Variants in IPO7 observed in about 807,000 individuals in gnomAD.
IPO7 encodes the protein importin 7.
Under a neutral mutation model 136.4 loss-of-function variants are expected in IPO7, and 13 were observed. The observed-to-expected ratio is 0.10, with a 90% confidence interval of 0.06 to 0.15. The LOEUF (loss-of-function observed/expected upper bound fraction) is 0.15, where lower values mean the gene tolerates loss of function less well. Among genes scored for constraint, IPO7 ranks in the 10% least tolerant of loss-of-function variants. IPO7 has a pLI of 1.00. For missense variants in IPO7, 857 were observed against 1,240.6 expected (o/e 0.69, Z 4.65); for synonymous variants, 403 against 404.4 (o/e 1.00, Z 0.04).
chr11:9,387,542 T>G (rs1854568415), intron 1 of IPO7, among the ~76,000 whole-genome samples: 1 of 152,228 alleles, frequency 6.6e-6, no homozygotes, highest in Non-Finnish European at 1.5e-5. Flanking sequence ...TTAAAATTAA[T>G]TTTATTTGGC....
At chr11:9,384,960 G>A in intron 1 of IPO7, 113 bp downstream of exon 1, 5 of 777,412 alleles carry the variant, frequency 6.4e-6, no homozygotes, top group South Asian at 3.4e-5. Flanking sequence ...GTCCCAGCAG[G>A]AGGGTGGGGC....
intron 5 of IPO7, among the ~76,000 whole-genome samples, chr11:9,415,438 A>G (rs1423475992): frequency 6.6e-6 from 1 of 152,220 alleles, no homozygotes; most frequent in Non-Finnish European, 1.5e-5. Flanking sequence ...ACGTATTCCT[A>G]AACTTGTCGC....
chr11:9,417,272 C>G (rs750981877), intron 6 of IPO7, 124 bp downstream of exon 6: 13 of 492,544 alleles, frequency 2.6e-5, no homozygotes, highest in Non-Finnish European at 4.3e-5. Flanking sequence ...GTATTTTTTT[C>G]TAGATTAGAG....
rs1855519663 is a variant in IPO7 at position 9,445,820 on chromosome 11, C to T, written c.*626C>T. On this transcript the variant is annotated 3_prime_UTR_variant, in exon 25 of 25. Coordinates refer to ENST00000379719, the MANE Select transcript of IPO7 (RefSeq NM_006391.3). ...TTAGCACTTTCATATTGAAACAAGC[C>T]TGCTAGCCTATGTATAAAATAGCAA... is the stretch of plus-strand genomic sequence containing the variant. 6.9e-6 allele frequency: 1 copy of T among 144,666 alleles called. No homozygotes were observed. The highest frequency in any genetic ancestry group is 1.5e-5 in the Non-Finnish European group (1 of 67,156). The allele number at this position is 144,666 out of a possible 1,614,324, so 9.0% of individuals were successfully genotyped here.
intron 19 of IPO7, 40 bp from the exon 20 acceptor site, chr11:9,436,231 G>A: frequency 7.2e-7 from 1 of 1,394,388 alleles, no homozygotes; most frequent in Non-Finnish European, 1.0e-6. Flanking sequence ...CTGATTTAAA[G>A]GATAAAGCCT....
chr11:9,439,347 C>T (rs559046709), intron 22 of IPO7, among the ~76,000 whole-genome samples: 4 of 152,212 alleles, frequency 2.6e-5, no homozygotes, highest in African/African-American at 9.6e-5. Context: ...AACTCCTGAC[C>T]TCAGATGATC....
chr11:9,396,772 G>A (rs187410597), intron 1 of IPO7, among the ~76,000 whole-genome samples: 185 of 152,190 alleles, frequency 1.2e-3, no homozygotes, highest in Non-Finnish European at 2.1e-3. Context: ...TTAAATTGCC[G>A]AATAGCATTC....
At position 9,446,450 on chromosome 11, in the gene IPO7, A is replaced by G. The variant is rs1239965960; in HGVS notation, c.*1256A>G. The stretch of plus-strand genomic sequence containing the variant: ...AGGCACATGGTTCCCTCCAAAAACC[A>G]CTATTGATACCACTACAAAAACAAG... On this transcript the variant is annotated 3_prime_UTR_variant, in exon 25 of 25. Transcript: ENST00000379719. 1.3e-5 allele frequency: 2 copies of G among 152,168 alleles called. No homozygotes were observed. The highest frequency in any genetic ancestry group is 6.6e-5 in the Admixed American group (1 of 15,258). 9.4% of individuals were successfully genotyped at this position (152,168 alleles called of 1,614,324 possible). A position where few individuals can be genotyped will look rare whatever the true frequency, so the allele number is the denominator to read the frequency against.
At chr11:9,435,080 G>A (rs754037385) in intron 19 of IPO7, 49 bp downstream of exon 19, 2 of 1,117,562 alleles carry the variant, frequency 1.8e-6, no homozygotes, top group Non-Finnish European at 2.7e-6. Context: ...GCTATAAAAT[G>A]TATGAAATTG....
intron 1 of IPO7, among the ~76,000 whole-genome samples, chr11:9,396,734 G>T (rs755122068): frequency 1.3e-5 from 2 of 152,012 alleles, no homozygotes; most frequent in African/African-American, 2.4e-5. Flanking sequence ...TTCATACATT[G>T]TTGTAACATG....
At chr11:9,433,698 A>G in intron 17 of IPO7, 23 bp from the exon 18 acceptor site, 1 of 1,613,090 alleles carries the variant, frequency 6.2e-7, no homozygotes, top group Non-Finnish European at 8.5e-7. Context: ...GCATTTTCCT[A>G]ATGACTTAGT....
At chr11:9,415,145 C>T (rs1480723435) in intron 5 of IPO7, among the ~76,000 whole-genome samples, 1 of 151,346 alleles carries the variant, frequency 6.6e-6, no homozygotes, top group Non-Finnish European at 1.5e-5. Flanking sequence ...ATGGAGAAAC[C>T]CCGTCTCTAT....
chr11:9,403,927 A>G (rs1044097710), intron 2 of IPO7, among the ~76,000 whole-genome samples: 44 of 151,952 alleles, frequency 2.9e-4, no homozygotes, highest in African/African-American at 1.0e-3. Flanking sequence ...AGTGGTGCGA[A>G]CTCGGCTCTC....
chr11:9,435,506 T>C (rs1855356968), intron 19 of IPO7, among the ~76,000 whole-genome samples: 1 of 152,218 alleles, frequency 6.6e-6, no homozygotes, highest in Admixed American at 6.5e-5. Flanking sequence ...TCTAGCAATG[T>C]CTGTTGTAGG....
chr11:9,394,767 A>G (rs979526128), intron 1 of IPO7, among the ~76,000 whole-genome samples: 2 of 152,092 alleles, frequency 1.3e-5, no homozygotes, highest in Non-Finnish European at 2.9e-5. Context: ...TTTTTTCTCC[A>G]TAGTGTCTGG....
intron 2 of IPO7, among the ~76,000 whole-genome samples, chr11:9,407,214 G>T (rs1238247116): frequency 6.6e-6 from 1 of 152,198 alleles, no homozygotes; most frequent in South Asian, 2.1e-4. Context: ...CCAAAATTCT[G>T]TAGTAGTAAT....
At chr11:9,439,712 A>G (rs891436082) in intron 22 of IPO7, among the ~76,000 whole-genome samples, 2 of 150,330 alleles carry the variant, frequency 1.3e-5, no homozygotes, top group Non-Finnish European at 3.0e-5. Flanking sequence ...AGTAGCTGGG[A>G]TTACAGGCGT....
At chr11:9,433,923 CTT>C (rs35376155) in intron 18 of IPO7, 77 bp downstream of exon 18, 134,068 of 1,027,220 alleles carry the variant, frequency 0.13, 884 homozygotes, top group Non-Finnish European at 0.15. Context: ...TGAACATACA[CTT>C]TTTTTTTTTT....
chr11:9,433,872 T>C, intron 18 of IPO7, 26 bp downstream of exon 18: 1 of 1,595,420 alleles, frequency 6.3e-7, no homozygotes, highest in Non-Finnish European at 8.5e-7. Flanking sequence ...ATGGAAATAC[T>C]GAGGGTTTTC....
Sources: gnomAD v4.1 joint callset for allele counts (sites outside exome capture counted in the v4.1 genomes callset) on GRCh38, gnomAD v4.1.1 for gene constraint, MANE v1.5 for transcripts, NCBI Gene and HGNC (gene_info 2026-07-23, HGNC 2026-07-21) for gene names.